Variants in POFUT3 observed in about 807,000 individuals in gnomAD.
POFUT3 encodes the protein GDP-fucose protein O-fucosyltransferase 3.
chr8:33,387,377 G>A, the POFUT3 span, among the ~76,000 whole-genome samples: 6,623 of 152,200 alleles, frequency 0.044, 305 homozygotes, highest in African/African-American at 0.1. Context: ...CATAGTATCT[G>A]AGAGCCCCAT....
chr8:33,340,682 C>T, the POFUT3 span, among the ~76,000 whole-genome samples: 1 of 151,744 alleles, frequency 6.6e-6, no homozygotes, highest in Admixed American at 6.6e-5. Context: ...AAAAATAGTA[C>T]CAGAAACAGA....
chr8:33,469,907 T>A, the POFUT3 span, among the ~76,000 whole-genome samples: 1 of 144,010 alleles, frequency 6.9e-6, no homozygotes, highest in Non-Finnish European at 1.5e-5. Context: ...GCGATTCTCC[T>A]GCCTCAGCCT....
chr8:33,453,317 C>A, the POFUT3 span: 1 of 1,614,178 alleles, frequency 6.2e-7, no homozygotes, highest in Non-Finnish European at 8.5e-7. Flanking sequence ...CCCAGTCTCC[C>A]CCGTCAGCGG....
chr8:33,374,878 CTTT>C, the POFUT3 span, among the ~76,000 whole-genome samples: 1 of 141,554 alleles, frequency 7.1e-6, no homozygotes, highest in Non-Finnish European at 1.5e-5. Flanking sequence ...CTTTTCTTTT[CTTT>C]TTTTTTTTTT....
chr8:33,369,032 A>G, the POFUT3 span, among the ~76,000 whole-genome samples: 3 of 152,308 alleles, frequency 2.0e-5, no homozygotes, highest in Admixed American at 1.3e-4. Flanking sequence ...TAACACAATA[A>G]ATGTGTACCA....
At chr8:33,379,801 A>G in the POFUT3 span, among the ~76,000 whole-genome samples, 2 of 137,670 alleles carry the variant, frequency 1.5e-5, no homozygotes, top group African/African-American at 5.5e-5. Flanking sequence ...ATACCACTGC[A>G]CTCCAGCCTG....
chr8:33,385,864 T>C, the POFUT3 span, among the ~76,000 whole-genome samples: 2 of 150,900 alleles, frequency 1.3e-5, no homozygotes, highest in Non-Finnish European at 2.9e-5. Flanking sequence ...CGTTGTGCCA[T>C]ATAGAACGAA....
chr8:33,318,387 G>A, the POFUT3 span, among the ~76,000 whole-genome samples: 2 of 148,330 alleles, frequency 1.3e-5, no homozygotes, highest in African/African-American at 5.0e-5. Context: ...AAAGGGAAAA[G>A]AGTGAGGGGA....
the POFUT3 span, among the ~76,000 whole-genome samples, chr8:33,333,231 G>A: frequency 6.6e-6 from 1 of 152,302 alleles, no homozygotes; most frequent in Non-Finnish European, 1.5e-5. Context: ...GGATCAGCGA[G>A]TGCAAAATTG....
the POFUT3 span, among the ~76,000 whole-genome samples, chr8:33,406,828 G>A: frequency 6.6e-6 from 1 of 152,112 alleles, no homozygotes; most frequent in Non-Finnish European, 1.5e-5. Context: ...GCTCGCCAAA[G>A]TGATTACAGG....
chr8:33,316,577 AAAG>A, the POFUT3 span, among the ~76,000 whole-genome samples: 112 of 68,322 alleles, frequency 1.6e-3, 1 homozygote, highest in East Asian at 8.0e-3. Flanking sequence ...AAAAAAAAAG[AAAG>A]AAAGAAAGAA....
At chr8:33,409,890 G>C in the POFUT3 span, among the ~76,000 whole-genome samples, 1 of 152,084 alleles carries the variant, frequency 6.6e-6, no homozygotes, top group Non-Finnish European at 1.5e-5. Flanking sequence ...GGGCGACAAA[G>C]CAAGACTCTG....
chr8:33,464,856 G>A, the POFUT3 span, among the ~76,000 whole-genome samples: 1 of 152,100 alleles, frequency 6.6e-6, no homozygotes, highest in East Asian at 1.9e-4. Context: ...CAGGTTACCT[G>A]CCTAAACCAC....
the POFUT3 span, among the ~76,000 whole-genome samples, chr8:33,309,070 T>C: frequency 4.2e-5 from 6 of 142,600 alleles, no homozygotes; most frequent in African/African-American, 1.1e-4. Flanking sequence ...GTGAGTGTAG[T>C]GTCTGACTCT....
At chr8:33,449,528 G>A in the POFUT3 span, among the ~76,000 whole-genome samples, 22 of 152,048 alleles carry the variant, frequency 1.4e-4, no homozygotes, top group African/African-American at 5.3e-4. Flanking sequence ...GACCTCAGGT[G>A]ATCTGCCCAC....
At chr8:33,456,343 T>C in the POFUT3 span, among the ~76,000 whole-genome samples, 2 of 152,050 alleles carry the variant, frequency 1.3e-5, no homozygotes, top group African/African-American at 2.4e-5. Flanking sequence ...ATACAACTTA[T>C]TTTTTTATTT....
the POFUT3 span, among the ~76,000 whole-genome samples, chr8:33,465,608 G>A: frequency 1.6e-4 from 24 of 152,064 alleles, no homozygotes; most frequent in South Asian, 6.2e-4. Context: ...GACTACAGGC[G>A]CGTGCCACCA....
At chr8:33,451,525 T>C in the POFUT3 span, among the ~76,000 whole-genome samples, 1,410 of 152,168 alleles carry the variant, frequency 9.3e-3, 19 homozygotes, top group African/African-American at 0.032. Flanking sequence ...TACATATGTA[T>C]ATGCATATGC....
the POFUT3 span, among the ~76,000 whole-genome samples, chr8:33,442,391 C>A: frequency 6.6e-6 from 1 of 151,260 alleles, no homozygotes; most frequent in Non-Finnish European, 1.5e-5. Flanking sequence ...GGGTTCACAC[C>A]ATTCTCCCGC....
Sources: allele counts gnomAD v4.1 joint callset (sites outside exome capture counted in the v4.1 genomes callset), GRCh38; gene constraint gnomAD v4.1.1; transcripts MANE v1.5; gene names NCBI Gene and HGNC (gene_info 2026-07-23, HGNC 2026-07-21).